ATXN7: variants seen among roughly 807,000 people sequenced by gnomAD.
ATXN7 encodes ataxin-7.
In ATXN7, 12 loss-of-function variants were observed where a neutral mutation model predicts 70.5. That is an observed-to-expected ratio of 0.17 (90% CI 0.11 to 0.28). The LOEUF (loss-of-function observed/expected upper bound fraction) is 0.28. Ranked by LOEUF, ATXN7 falls within the 10% of genes least tolerant of loss-of-function variation. ATXN7 has a pLI of 1.00. For synonymous variants in ATXN7, 498 were observed against 448.7 expected (o/e 1.11, Z -1.39); for missense variants, 1,256 against 1,131.7 (o/e 1.11, Z -1.58).
In ATXN7 at chr3:63,999,566, T is replaced by C; in HGVS notation, c.*99T>C. 1 of 1,575,460 alleles carries C rather than the reference T, an allele frequency of 6.3e-7. No individual in the cohort carries two copies. Among genetic ancestry groups the C allele is most frequent in the South Asian group, 1.2e-5 (1 of 86,492 alleles). ...GACTCCACGATGCCTTTGAGTCTGT[T>C]TTCCCAACCTCCTGTGGGCCTCAAG... On this transcript the variant is annotated 3_prime_UTR_variant, in exon 13 of 13. Transcript: ENST00000674280.
At chr3:63,928,585 T>TA (rs1704812268) in intron 4 of ATXN7, among the ~76,000 whole-genome samples, 1 of 152,186 alleles carries the variant, frequency 6.6e-6, no homozygotes, top group African/African-American at 2.4e-5. Flanking sequence ...CCTCAATCCT[T>TA]ACAGCAGTAG....
intron 1 of ATXN7, among the ~76,000 whole-genome samples, chr3:63,881,690 A>C (rs1010842999): frequency 1.3e-5 from 2 of 152,042 alleles, no homozygotes; most frequent in African/African-American, 4.8e-5. Flanking sequence ...GGGTTTCACC[A>C]TGTTGGTCGG....
chr3:63,914,429 G>A (rs528094188), intron 4 of ATXN7, among the ~76,000 whole-genome samples: 35 of 152,276 alleles, frequency 2.3e-4, no homozygotes, highest in African/African-American at 8.2e-4. Flanking sequence ...AATGAGAATT[G>A]CTATTTGAGG....
chr3:63,988,702 T>A (rs2075618053), intron 9 of ATXN7, among the ~76,000 whole-genome samples: 1 of 152,226 alleles, frequency 6.6e-6, no homozygotes, highest in Admixed American at 6.5e-5. Flanking sequence ...TGGGAATTCT[T>A]GCTAGGGACA....
Position 63,913,204 on chromosome 3 carries a change from G to C in ATXN7, c.373G>C (p.Val125Leu), listed in dbSNP as rs1270079726. Residue 125 changes from valine to leucine, a missense_variant, in exon 4 of 13, where the codon GTC becomes CTC. Coordinates refer to ENST00000674280, the MANE Select transcript of ATXN7 (RefSeq NM_001377405.1). The stretch of plus-strand genomic sequence containing the variant: ...CAAGGAGTTTGGGAAAAACCGCGAA[G>C]TCATGGGGCTCTGTCGGGAAGGTGA... ...SFKEFGKNREVMGLCREDMPI... is the reference protein window; with the variant it reads ...SFKEFGKNRELMGLCREDMPI... The C allele has an allele frequency of 3.1e-6, 5 of 1,613,878 alleles. No homozygotes were observed. Among genetic ancestry groups the C allele is most frequent in the Non-Finnish European group, 3.4e-6 (4 of 1,180,000 alleles).
At chr3:63,997,171 C>G (rs970369339) in intron 12 of ATXN7, among the ~76,000 whole-genome samples, 1 of 152,136 alleles carries the variant, frequency 6.6e-6, no homozygotes, top group African/African-American at 2.4e-5. Flanking sequence ...GGCAGGAGAA[C>G]TGCTTGAACA....
intron 12 of ATXN7, chr3:63,997,529 T>C: frequency 1.9e-6 from 2 of 1,059,998 alleles, no homozygotes; most frequent in Non-Finnish European, 2.8e-6. Context: ...CCAGCTCTTC[T>C]GCCTGTTACT....
intron 2 of ATXN7, among the ~76,000 whole-genome samples, chr3:63,900,262 C>T (rs941390075): frequency 1.3e-5 from 2 of 152,172 alleles, no homozygotes; most frequent in African/African-American, 4.8e-5. Context: ...ACTTAGGCAA[C>T]AAATGTGATG....
At chr3:63,879,487 G>GTT (rs200065951) in intron 1 of ATXN7, among the ~76,000 whole-genome samples, 75 of 135,356 alleles carry the variant, frequency 5.5e-4, no homozygotes, top group Non-Finnish European at 5.1e-4. Context: ...TATCTCTTCA[G>GTT]TTTTTTTTTT....
intron 5 of ATXN7, among the ~76,000 whole-genome samples, chr3:63,961,307 TA>T (rs2075126940): frequency 6.6e-6 from 1 of 152,256 alleles, no homozygotes; most frequent in Non-Finnish European, 1.5e-5. Context: ...GACTGCCTGT[TA>T]TTCCACTTTA....
chr3:63,869,571 T>C (rs1397287015), intron 1 of ATXN7, among the ~76,000 whole-genome samples: 1 of 152,116 alleles, frequency 6.6e-6, no homozygotes, highest in Non-Finnish European at 1.5e-5. Flanking sequence ...ATTACAGGCA[T>C]GTGCCACTAC....
intron 5 of ATXN7, among the ~76,000 whole-genome samples, chr3:63,955,804 A>G (rs956055945): frequency 7.9e-5 from 12 of 152,166 alleles, no homozygotes; most frequent in Non-Finnish European, 1.2e-4. Context: ...GCTGATATCC[A>G]TCTGTGACTT....
chr3:63,983,008 C>G lies in ATXN7; in HGVS notation c.1082C>G (p.Ser361Cys). The part of the protein sequence containing the change: ...DLDTKKPCTR[S>C]LTCKTHSLTQ... ...GACACCAAGAAGCCCTGCACCCGGT[C>G]TTTGACATGCAAGGTAGGTGGACTC... is the stretch of plus-strand genomic sequence containing the variant. Residue 361 changes from serine to cysteine, a missense_variant, in exon 8 of 13, where the codon TCT (serine) becomes TGT (cysteine). Transcript: ENST00000674280. 1 of 1,613,896 alleles carries G rather than the reference C, an allele frequency of 6.2e-7. No homozygotes were observed. Among genetic ancestry groups the G allele is most frequent in the Non-Finnish European group, 8.5e-7 (1 of 1,179,844 alleles).
At chr3:63,928,380 C>T (rs1575908644) in intron 4 of ATXN7, among the ~76,000 whole-genome samples, 1 of 151,198 alleles carries the variant, frequency 6.6e-6, no homozygotes, top group Non-Finnish European at 1.5e-5. Context: ...GTGACAAATC[C>T]TTATAGCTAT....
At chr3:63,977,098 G>C (rs2075400784) in intron 5 of ATXN7, among the ~76,000 whole-genome samples, 1 of 152,148 alleles carries the variant, frequency 6.6e-6, no homozygotes, top group African/African-American at 2.4e-5. Context: ...TGAGGTAGAT[G>C]GTGGAAGTTT....
chr3:63,972,783 C>T (rs1021307131), intron 5 of ATXN7, among the ~76,000 whole-genome samples: 1 of 152,128 alleles, frequency 6.6e-6, no homozygotes, highest in Non-Finnish European at 1.5e-5. Context: ...TGAAATGGCA[C>T]GTAAAAATAT....
chr3:63,998,168 T>C, intron 12 of ATXN7: 1 of 910,528 alleles, frequency 1.1e-6, no homozygotes, highest in Non-Finnish European at 1.3e-6. Flanking sequence ...GGAGTGTAGA[T>C]CTTAATGCCC....
chr3:63,900,374 A>G (rs543759493), intron 2 of ATXN7, among the ~76,000 whole-genome samples: 1 of 152,340 alleles, frequency 6.6e-6, no homozygotes, highest in Admixed American at 6.5e-5. Flanking sequence ...AACTTCACAA[A>G]AAGTGTTTTA....
chr3:63,919,077 C>T (rs1332787556), intron 4 of ATXN7, among the ~76,000 whole-genome samples: 5 of 152,114 alleles, frequency 3.3e-5, no homozygotes, highest in African/African-American at 4.8e-5. Flanking sequence ...CCAGTTGCAG[C>T]GTGTGGGCCA....
Sources: gnomAD v4.1 joint callset for allele counts (sites outside exome capture counted in the v4.1 genomes callset) on GRCh38, gnomAD v4.1.1 for gene constraint, MANE v1.5 for transcripts, NCBI Gene and HGNC (gene_info 2026-07-23, HGNC 2026-07-21) for gene names.